AXDND1: variants seen among roughly 807,000 people sequenced by gnomAD.
The protein encoded by AXDND1 is axonemal dynein light chain domain containing 1.
Under a neutral mutation model 137.5 loss-of-function variants are expected in AXDND1, and 110 were observed. The observed-to-expected ratio is 0.80, with a 90% confidence interval of 0.69 to 0.94. The LOEUF is 0.94. Ranked by LOEUF, AXDND1 falls within the 40% of genes least tolerant of loss-of-function variation. The pLI, the probability that AXDND1 is intolerant of heterozygous loss-of-function variation, is 0.00. For missense variants in AXDND1, 1,191 were observed against 1,169.8 expected (o/e 1.02, Z -0.26); for synonymous variants, 414 against 399.7 (o/e 1.04, Z -0.43).
intron 12 of AXDND1, among the ~76,000 whole-genome samples, chr1:179,421,049 C>A (rs933319854): frequency 1.0e-5 from 1 of 97,556 alleles, no homozygotes; most frequent in Non-Finnish European, 2.2e-5. Context: ...TCCTTCCTTC[C>A]TTCCTTCCTT....
intron 11 of AXDND1, among the ~76,000 whole-genome samples, chr1:179,400,523 A>G (rs1350860865): frequency 2.0e-5 from 3 of 151,860 alleles, no homozygotes. Flanking sequence ...ACCACTAAAG[A>G]ACTTACTCAT....
chr1:179,551,228 G>A lies in AXDND1; in HGVS notation c.3032-3284G>A, dbSNP rs774347501. On this transcript the variant is annotated intron_variant, in intron 25 of 25. Coordinates refer to ENST00000367618, the MANE Select transcript of AXDND1 (RefSeq NM_144696.6). Reference sequence around the variant, plus strand: ...ATTTAGTGGCTCAACAGGTTTGGAAGGACTTGGGAAGGGGAGGCTTCCCTG... The same window carrying A: ...ATTTAGTGGCTCAACAGGTTTGGAAAGACTTGGGAAGGGGAGGCTTCCCTG... 2 of 1,614,148 alleles carry A rather than the reference G, an allele frequency of 1.2e-6. No individual in the cohort carries two copies. Among genetic ancestry groups the A allele is most frequent in the Admixed American group, 1.7e-5 (1 of 60,010 alleles).
intron 20 of AXDND1, 93 bp from the exon 21 acceptor site, chr1:179,509,203 A>G: frequency 2.7e-6 from 2 of 741,260 alleles, no homozygotes; most frequent in Non-Finnish European, 4.5e-6. Context: ...GAATATAGTT[A>G]TGTTTAGAGG....
At chr1:179,550,918 A>G (rs1177938273) in intron 25 of AXDND1, 2 of 523,108 alleles carry the variant, frequency 3.8e-6, no homozygotes, top group East Asian at 3.5e-5. Context: ...AATTCTTTCC[A>G]AAGTAGAATG....
chr1:179,366,295 C>G lies in AXDND1; in HGVS notation c.-106-109C>G, dbSNP rs1016214518. ...TAACCCCAGAACATAGAGGTCGCCC[C>G]GAAGAAGGAGAACCATGCTAGATGA... On this transcript the variant is annotated intron_variant, in intron 1 of 25. Coordinates refer to ENST00000367618, the MANE Select transcript of AXDND1 (RefSeq NM_144696.6). The G allele has an allele frequency of 2.9e-4, 123 of 427,116 alleles. 3 individuals carry two copies. The South Asian group carries it at 3.0e-3, about 10-fold the overall frequency. The allele number at this position is 427,116 out of a possible 1,614,324, so 26.5% of individuals were successfully genotyped here. A position where few individuals can be genotyped will look rare whatever the true frequency, so the allele number is the denominator to read the frequency against.
chr1:179,527,735 AC>A (rs1670669167), intron 22 of AXDND1, among the ~76,000 whole-genome samples: 1 of 152,072 alleles, frequency 6.6e-6, no homozygotes, highest in South Asian at 2.1e-4. Context: ...ACTTTACTAT[AC>A]TCTGAGACTC....
intron 21 of AXDND1, among the ~76,000 whole-genome samples, chr1:179,516,762 G>C (rs1440047916): frequency 1.3e-5 from 2 of 152,156 alleles, no homozygotes; most frequent in Non-Finnish European, 2.9e-5. Flanking sequence ...ACCTGGTTCT[G>C]GGCTGGTGCT....
chr1:179,485,157 C>A (rs932436845), intron 18 of AXDND1, among the ~76,000 whole-genome samples: 1 of 152,230 alleles, frequency 6.6e-6, no homozygotes, highest in African/African-American at 2.4e-5. Flanking sequence ...CACATCCCTG[C>A]CCTCATTAGT....
At chr1:179,523,234 A>T (rs1670234446) in intron 21 of AXDND1, among the ~76,000 whole-genome samples, 1 of 59,862 alleles carries the variant, frequency 1.7e-5, no homozygotes, top group African/African-American at 5.3e-5. Flanking sequence ...ATTTCATCTG[A>T]TTGTTTTTGT....
At chr1:179,504,379 A>G (rs1284371242) in intron 20 of AXDND1, among the ~76,000 whole-genome samples, 1 of 152,186 alleles carries the variant, frequency 6.6e-6, no homozygotes, top group Non-Finnish European at 1.5e-5. Context: ...GACCTGCCAC[A>G]GATGGTGGTG....
intron 21 of AXDND1, among the ~76,000 whole-genome samples, chr1:179,518,193 T>G (rs950652879): frequency 3.9e-5 from 6 of 152,168 alleles, no homozygotes; most frequent in Admixed American, 2.6e-4. Context: ...CTGGTCCTAG[T>G]TCAGTCTTTT....
intron 15 of AXDND1, among the ~76,000 whole-genome samples, chr1:179,440,056 A>T (rs1658774430): frequency 6.6e-6 from 1 of 152,168 alleles, no homozygotes; most frequent in South Asian, 2.1e-4. Context: ...TTGTACCAGG[A>T]GTCAAAAAAT....
chr1:179,509,072 C>T (rs889292989), intron 20 of AXDND1, among the ~76,000 whole-genome samples: 2 of 152,128 alleles, frequency 1.3e-5, no homozygotes, highest in African/African-American at 4.8e-5. Flanking sequence ...CTTCACTACT[C>T]CCTGTCCCAT....
At chr1:179,537,899 C>T (rs938660205) in intron 25 of AXDND1, among the ~76,000 whole-genome samples, 10 of 152,106 alleles carry the variant, frequency 6.6e-5, no homozygotes, top group African/African-American at 1.2e-4. Flanking sequence ...AGAGATTTGA[C>T]GTCTTCCTGG....
At chr1:179,474,230 A>C (rs1271611284) in intron 17 of AXDND1, among the ~76,000 whole-genome samples, 1 of 151,998 alleles carries the variant, frequency 6.6e-6, no homozygotes, top group Admixed American at 6.5e-5. Context: ...AAAAAAAAAA[A>C]AACTTACCTA....
intron 23 of AXDND1, among the ~76,000 whole-genome samples, chr1:179,529,247 T>A (rs1670836300): frequency 6.6e-6 from 1 of 152,248 alleles, no homozygotes; most frequent in African/African-American, 2.4e-5. Flanking sequence ...ATATTTTGTG[T>A]GTATGTTCAT....
At chr1:179,551,609 G>T in intron 25 of AXDND1, 1 of 788,060 alleles carries the variant, frequency 1.3e-6, no homozygotes, top group Non-Finnish European at 2.1e-6. Flanking sequence ...AGGGTCTTGA[G>T]CTGGGGAGAC....
intron 23 of AXDND1, among the ~76,000 whole-genome samples, chr1:179,533,537 G>A (rs193195685): frequency 6.0e-5 from 9 of 149,942 alleles, no homozygotes; most frequent in African/African-American, 2.2e-4. Flanking sequence ...TGTTTCCCCT[G>A]CTTCTTCTTT....
chr1:179,383,331 A>T, intron 7 of AXDND1, 111 bp from the exon 8 acceptor site: 1 of 746,336 alleles, frequency 1.3e-6, no homozygotes, highest in Non-Finnish European at 2.2e-6. Flanking sequence ...AAATGCCATT[A>T]ATATCCCAGA....
Sources: gnomAD v4.1 joint callset for allele counts (sites outside exome capture counted in the v4.1 genomes callset) on GRCh38, gnomAD v4.1.1 for gene constraint, MANE v1.5 for transcripts, NCBI Gene and HGNC (gene_info 2026-07-23, HGNC 2026-07-21) for gene names.